Variants in TSNARE1 observed in about 807,000 individuals in gnomAD.
TSNARE1 encodes t-SNARE domain containing 1, also known as t-SNARE domain-containing protein 1.
In TSNARE1, 49 loss-of-function variants were observed where a neutral mutation model predicts 62.0. The ratio of observed to expected loss-of-function variants is 0.79; its 90% CI spans 0.63 to 1.00. The LOEUF (loss-of-function observed/expected upper bound fraction) is 1.00. TSNARE1 is among the 50% of genes least tolerant of loss of function. The probability of loss-of-function intolerance (pLI) is 0.00; values close to 1 mark genes in which losing one functional copy is unlikely to be tolerated. For synonymous variants in TSNARE1, 328 were observed against 294.4 expected (o/e 1.11, Z -1.17); for missense variants, 755 against 700.1 (o/e 1.08, Z -0.88).
chr8:142,228,024 G>A (rs775240186), intron 13 of TSNARE1, among the ~76,000 whole-genome samples: 1 of 152,176 alleles, frequency 6.6e-6, no homozygotes, highest in Non-Finnish European at 1.5e-5. Flanking sequence ...AGTTTACATG[G>A]AGAGGCACTG....
chr8:142,295,840 C>T (rs1262678088), intron 10 of TSNARE1, among the ~76,000 whole-genome samples: 1 of 151,516 alleles, frequency 6.6e-6, no homozygotes, highest in Admixed American at 6.6e-5. Flanking sequence ...ACTCACCACA[C>T]AGCCCTGCAG....
intron 12 of TSNARE1, among the ~76,000 whole-genome samples, chr8:142,233,041 A>C (rs1290484666): frequency 2.0e-5 from 3 of 152,186 alleles, no homozygotes; most frequent in African/African-American, 7.2e-5. Flanking sequence ...GCAGATGAGA[A>C]GCCACCCTCC....
intron 9 of TSNARE1, among the ~76,000 whole-genome samples, chr8:142,307,353 C>T (rs1268771669): frequency 6.6e-6 from 1 of 152,202 alleles, no homozygotes; most frequent in Non-Finnish European, 1.5e-5. Flanking sequence ...TGCGTGGGGG[C>T]TGCTATGAGC....
chr8:142,328,524 C>T (rs1454888702), intron 6 of TSNARE1, among the ~76,000 whole-genome samples: 1 of 152,220 alleles, frequency 6.6e-6, no homozygotes, highest in Non-Finnish European at 1.5e-5. Context: ...ATTGTGCTCT[C>T]GTGGCAGGAG....
chr8:142,374,228 C>T (rs1422723702), intron 1 of TSNARE1, among the ~76,000 whole-genome samples: 1 of 151,572 alleles, frequency 6.6e-6, no homozygotes, highest in Non-Finnish European at 1.5e-5. Context: ...CGCTTGAACC[C>T]AGGGAGGCGG....
chr8:142,278,215 G>T (rs1326748279), intron 11 of TSNARE1: 1 of 985,320 alleles, frequency 1.0e-6, no homozygotes, highest in East Asian at 1.1e-4. Context: ...CCACAGGGTT[G>T]GCTGGGTCTA....
Position 142,318,644 on chromosome 8 carries a change from G to A in TSNARE1, c.894-10C>T, listed in dbSNP as rs758396196. 1.9e-5 allele frequency: 31 copies of A among 1,613,288 alleles called. No individual in the cohort carries two copies. The East Asian group carries it at 3.1e-4, about 16-fold the overall frequency. The stretch of plus-strand genomic sequence containing the variant: ...CTGCTGTGCCGTGTGCCTGGGGGCC[G>A]AGAAGGAGCCAGGAGCGAAGGCAGG... On this transcript the variant is annotated splice_polypyrimidine_tract_variant and intron_variant, in intron 6 of 13. Transcript: ENST00000524325.
intron 4 of TSNARE1, among the ~76,000 whole-genome samples, chr8:142,340,472 C>CA (rs1832430482): frequency 6.6e-6 from 1 of 152,126 alleles, no homozygotes; most frequent in Non-Finnish European, 1.5e-5. Context: ...GGCCAGGGCT[C>CA]CCTTTTGGGA....
rs1831090848 is a variant in TSNARE1, at chr8:142,331,819, T to C, written c.758A>G (p.Asp253Gly). Reference sequence around the variant, plus strand: ...GAACAGCTCCTGGAGGTTGCACGGATCGACCTGGGTGGCTGGGAGAAGACA... The same window carrying C: ...GAACAGCTCCTGGAGGTTGCACGGACCGACCTGGGTGGCTGGGAGAAGACA... ...SLEPPRATQV[D>G]PCNLQELFQE... The change falls in exon 5 of 14, where the codon GAT becomes GGT. Residue 253 changes from aspartate (D) to glycine (G), a missense_variant. Asp to Gly is a moderately conservative substitution (Grantham distance 94, BLOSUM62 -1). Transcript: ENST00000524325. 6.2e-7 allele frequency: 1 copy of C among 1,608,392 alleles called. No homozygotes were observed. The highest frequency in any genetic ancestry group is 1.3e-5 in the African/African-American group (1 of 74,820).
intron 10 of TSNARE1, among the ~76,000 whole-genome samples, chr8:142,297,777 C>T (rs180701384): frequency 6.6e-5 from 10 of 152,274 alleles, no homozygotes; most frequent in African/African-American, 2.4e-4. Flanking sequence ...TGCTGCAGAC[C>T]GTGGGGAGGG....
intron 1 of TSNARE1, among the ~76,000 whole-genome samples, chr8:142,401,813 C>T (rs920922793): frequency 4.6e-5 from 7 of 152,190 alleles, no homozygotes; most frequent in African/African-American, 1.7e-4. Flanking sequence ...TGTGTCCAAA[C>T]ATTTGTTCTA....
At chr8:142,213,293 C>T (rs1288668127) in intron 13 of TSNARE1, among the ~76,000 whole-genome samples, 4 of 138,370 alleles carry the variant, frequency 2.9e-5, no homozygotes, top group South Asian at 2.6e-4. Flanking sequence ...GTGCGGACTC[C>T]GGGGCTGGGG....
intron 12 of TSNARE1, among the ~76,000 whole-genome samples, chr8:142,253,726 C>G (rs180933921): frequency 4.6e-5 from 7 of 152,360 alleles, no homozygotes; most frequent in African/African-American, 1.7e-4. Flanking sequence ...TCACTTCATC[C>G]CCAAGTGGCA....
At chr8:142,385,207 G>A (rs1296721635) in intron 1 of TSNARE1, among the ~76,000 whole-genome samples, 1 of 152,050 alleles carries the variant, frequency 6.6e-6, no homozygotes, top group African/African-American at 2.4e-5. Flanking sequence ...GAGGTCAAAA[G>A]ACAATACAGT....
intron 12 of TSNARE1, among the ~76,000 whole-genome samples, chr8:142,236,263 G>A (rs773343964): frequency 5.6e-4 from 85 of 152,144 alleles, no homozygotes; most frequent in Middle Eastern, 3.4e-3. Flanking sequence ...ACCCACCCCC[G>A]AGATACATGC....
chr8:142,281,034 A>T (rs543572068), intron 11 of TSNARE1, among the ~76,000 whole-genome samples: 8 of 152,152 alleles, frequency 5.3e-5, no homozygotes, highest in African/African-American at 1.9e-4. Flanking sequence ...AGTACCCGGG[A>T]AGAGGACGCC....
chr8:142,367,675 T>A (rs188859963), intron 1 of TSNARE1, among the ~76,000 whole-genome samples: 1 of 152,324 alleles, frequency 6.6e-6, no homozygotes, highest in African/African-American at 2.4e-5. Context: ...CGGTGAACTT[T>A]AGGATATGTG....
chr8:142,366,194 G>A (rs909513474), intron 1 of TSNARE1, among the ~76,000 whole-genome samples: 2 of 151,850 alleles, frequency 1.3e-5, no homozygotes, highest in African/African-American at 4.8e-5. Context: ...CCACCACCAC[G>A]CCCGGCTAAT....
intron 13 of TSNARE1, among the ~76,000 whole-genome samples, chr8:142,217,399 C>T (rs1815930391): frequency 6.6e-6 from 1 of 151,424 alleles, no homozygotes; most frequent in African/African-American, 2.4e-5. Context: ...AAAAAGCAAG[C>T]AAGCAACGGC....
Sources: allele counts gnomAD v4.1 joint callset (sites outside exome capture counted in the v4.1 genomes callset), GRCh38; gene constraint gnomAD v4.1.1; transcripts MANE v1.5; gene names NCBI Gene and HGNC (gene_info 2026-07-23, HGNC 2026-07-21).